LGR6: variants seen among roughly 807,000 people sequenced by gnomAD.
The protein encoded by LGR6 is leucine-rich repeat-containing G protein-coupled receptor 6.
Under a neutral mutation model 69.4 loss-of-function variants are expected in LGR6, and 45 were observed. That is an observed-to-expected ratio of 0.65 (90% CI 0.51 to 0.83). The LOEUF (loss-of-function observed/expected upper bound fraction) is 0.83, where lower values mean the gene tolerates loss of function less well. Ranked by LOEUF, LGR6 falls within the 40% of genes least tolerant of loss-of-function variation. The pLI is 0.00. For missense variants in LGR6, 1,108 were observed against 1,246.7 expected (o/e 0.89, Z 1.68); for synonymous variants, 538 against 555.0 (o/e 0.97, Z 0.43).
chr1:202,294,757 T>C (rs1011344800), intron 6 of LGR6, among the ~76,000 whole-genome samples: 1 of 152,198 alleles, frequency 6.6e-6, no homozygotes, highest in South Asian at 2.1e-4. Context: ...CAGCCCAAGG[T>C]AGATGTCACA....
intron 1 of LGR6, chr1:202,197,220 C>T (rs183570846): frequency 2.2e-5 from 10 of 446,474 alleles, no homozygotes; most frequent in African/African-American, 1.4e-4. Context: ...TAGCCAATAC[C>T]TTTCATGAGG....
At chr1:202,278,115 A>G (rs1031992568) in intron 5 of LGR6, among the ~76,000 whole-genome samples, 4 of 152,114 alleles carry the variant, frequency 2.6e-5, no homozygotes, top group Admixed American at 2.6e-4. Flanking sequence ...GTTTTCAGGC[A>G]AGGGTTAAAA....
intron 4 of LGR6, among the ~76,000 whole-genome samples, chr1:202,256,716 A>G (rs192801994): frequency 3.3e-5 from 5 of 152,332 alleles, no homozygotes; most frequent in Admixed American, 2.6e-4. Flanking sequence ...GTTGTCAGTT[A>G]TCCTGGGTAT....
intron 16 of LGR6, among the ~76,000 whole-genome samples, chr1:202,314,498 A>C (rs913741647): frequency 6.6e-6 from 1 of 152,116 alleles, no homozygotes; most frequent in African/African-American, 2.4e-5. Flanking sequence ...TTCCACTCCA[A>C]CTCGAAGCAG....
chr1:202,214,744 G>A (rs1571821307), intron 1 of LGR6, among the ~76,000 whole-genome samples: 1 of 152,318 alleles, frequency 6.6e-6, no homozygotes, highest in East Asian at 1.9e-4. Context: ...CTGCAAAGAC[G>A]TGGAGTGGGG....
rs111282373 is a variant in LGR6, at chr1:202,318,580, G to T, written c.2277G>T (p.Pro759=). Residue 759 remains proline, a synonymous_variant, in exon 18 of 18, where the codon CCG becomes CCT. Transcript: ENST00000367278. Reference sequence around the variant, plus strand: ...ACATCAAACTGTACTGTGACCTGCCGCGGGGCGACTTTGAGGCCGTGTGGG... The same window carrying T: ...ACATCAAACTGTACTGTGACCTGCCTCGGGGCGACTTTGAGGCCGTGTGGG... ...GAYIKLYCDL[P]RGDFEAVWDC... is the part of the protein sequence containing the mutation. The T allele has an allele frequency of 6.2e-7, 1 of 1,613,872 alleles. No homozygotes were observed. The highest frequency in any genetic ancestry group is 8.5e-7 in the Non-Finnish European group (1 of 1,180,014).
intron 1 of LGR6, among the ~76,000 whole-genome samples, chr1:202,215,735 A>G (rs960361212): frequency 1.3e-5 from 2 of 152,228 alleles, no homozygotes; most frequent in African/African-American, 4.8e-5. Flanking sequence ...AAGCTGTAGA[A>G]AATGAGCCTT....
chr1:202,287,081 T>C (rs1459938522), intron 6 of LGR6, among the ~76,000 whole-genome samples: 1 of 152,164 alleles, frequency 6.6e-6, no homozygotes, highest in Non-Finnish European at 1.5e-5. Flanking sequence ...CCGTAGTAGA[T>C]GTAATGGAGA....
chr1:202,204,492 C>A (rs1404644277), intron 1 of LGR6, among the ~76,000 whole-genome samples: 2 of 106,622 alleles, frequency 1.9e-5, no homozygotes, highest in African/African-American at 3.6e-5. Context: ...CACACCTCCA[C>A]ACACACACCT....
chr1:202,283,787 C>G (rs1666197045), intron 6 of LGR6, among the ~76,000 whole-genome samples: 1 of 152,238 alleles, frequency 6.6e-6, no homozygotes, highest in Non-Finnish European at 1.5e-5. Flanking sequence ...CAGCCCCACC[C>G]CACAACCCAG....
intron 1 of LGR6, among the ~76,000 whole-genome samples, chr1:202,213,338 G>A (rs916553020): frequency 6.6e-5 from 10 of 152,178 alleles, no homozygotes; most frequent in African/African-American, 2.2e-4. Context: ...ACACAGGGGA[G>A]GGAGGAAGGA....
intron 4 of LGR6, among the ~76,000 whole-genome samples, chr1:202,256,058 G>A (rs1179620056): frequency 3.3e-5 from 5 of 151,978 alleles, no homozygotes; most frequent in Non-Finnish European, 7.4e-5. Flanking sequence ...TCTTCCCCCA[G>A]CCCCTGACAA....
intron 1 of LGR6, among the ~76,000 whole-genome samples, chr1:202,219,506 G>C (rs537822459): frequency 4.6e-5 from 7 of 152,342 alleles, no homozygotes; most frequent in African/African-American, 1.7e-4. Flanking sequence ...GTGAGCAACA[G>C]CCTTCATTGA....
chr1:202,314,886 A>G lies in LGR6; in HGVS notation c.1648+4A>G, dbSNP rs1443781384. The stretch of plus-strand genomic sequence containing the variant: ...GTCCAGTGTAGCCCTACTCCAGGTG[A>G]GGTGGTGTCTGGGGAATGGGGACGA... On this transcript the variant is annotated splice_donor_region_variant and intron_variant, in intron 17 of 17. Coordinates refer to ENST00000367278, the MANE Select transcript of LGR6 (RefSeq NM_001017403.2). 6.2e-7 allele frequency: 1 copy of G among 1,611,476 alleles called. No individual in the cohort carries two copies. Among genetic ancestry groups the G allele is most frequent in the Non-Finnish European group, 8.5e-7 (1 of 1,177,616 alleles).
intron 1 of LGR6, among the ~76,000 whole-genome samples, chr1:202,216,787 G>C (rs1020755105): frequency 6.6e-6 from 1 of 152,210 alleles, no homozygotes; most frequent in Admixed American, 6.5e-5. Context: ...CCTGTGGGTG[G>C]CATGGCTTGG....
chr1:202,202,835 A>G (rs1036830525), intron 1 of LGR6, among the ~76,000 whole-genome samples: 28 of 152,168 alleles, frequency 1.8e-4, no homozygotes, highest in African/African-American at 6.5e-4. Flanking sequence ...TGCTTCTGCC[A>G]CCATCCTTTC....
intron 1 of LGR6, among the ~76,000 whole-genome samples, chr1:202,195,119 C>T (rs550007535): frequency 1.3e-5 from 2 of 152,316 alleles, no homozygotes; most frequent in South Asian, 2.1e-4. Flanking sequence ...CCTCCTCCAG[C>T]CCAGCTCTGC....
At chr1:202,283,320 C>T (rs1666155692) in intron 6 of LGR6, among the ~76,000 whole-genome samples, 1 of 152,140 alleles carries the variant, frequency 6.6e-6, no homozygotes, top group African/African-American at 2.4e-5. Flanking sequence ...AGAGCATTTG[C>T]TGGGGAGCCT....
intron 4 of LGR6, chr1:202,236,261 A>G: frequency 2.0e-6 from 1 of 496,996 alleles, no homozygotes; most frequent in Non-Finnish European, 3.6e-6. Context: ...TCCCTAGGTG[A>G]GGCCACCAGG....
Sources: allele counts gnomAD v4.1 joint callset (sites outside exome capture counted in the v4.1 genomes callset), GRCh38; gene constraint gnomAD v4.1.1; transcripts MANE v1.5; gene names NCBI Gene and HGNC (gene_info 2026-07-23, HGNC 2026-07-21).